ARHGAP40: variants seen among roughly 807,000 people sequenced by gnomAD.
The protein encoded by ARHGAP40 is Rho GTPase activating protein 40.
ARHGAP40 carries 43 observed loss-of-function variants against 73.5 expected under a neutral mutation model. That is an observed-to-expected ratio of 0.58 (90% CI 0.46 to 0.75). ARHGAP40 has a LOEUF of 0.75. Among genes scored for constraint, ARHGAP40 ranks in the 30% least tolerant of loss-of-function variants. The pLI is 0.00. For missense variants in ARHGAP40, 734 were observed against 861.8 expected, an observed-to-expected ratio of 0.85 and a Z score of 1.86; for synonymous variants, 300 against 352.8, an observed-to-expected ratio of 0.85 and a Z score of 1.68.
chr20:38,613,325 G>C (rs1241455182), intron 1 of ARHGAP40, among the ~76,000 whole-genome samples: 1 of 152,144 alleles, frequency 6.6e-6, no homozygotes, highest in Non-Finnish European at 1.5e-5. Flanking sequence ...CCCTCCCAGA[G>C]TGCTATGTGA....
chr20:38,612,597 G>A (rs139378597), intron 1 of ARHGAP40, among the ~76,000 whole-genome samples: 216 of 152,288 alleles, frequency 1.4e-3, no homozygotes, highest in African/African-American at 5.1e-3. Flanking sequence ...TTAAACCCAA[G>A]AGGCAGAGGT....
At chr20:38,636,879 G>T (rs2145610098) in intron 6 of ARHGAP40, among the ~76,000 whole-genome samples, 1 of 152,254 alleles carries the variant, frequency 6.6e-6, no homozygotes, top group Admixed American at 6.5e-5. Context: ...TTAAAGACAA[G>T]AGGATGGTGA....
intron 3 of ARHGAP40, among the ~76,000 whole-genome samples, chr20:38,627,678 G>A (rs1403003548): frequency 2.7e-5 from 4 of 147,748 alleles, no homozygotes; most frequent in Admixed American, 2.7e-4. Flanking sequence ...GTGTTGGTGT[G>A]TGTGTTGTGT....
rs1003515982 is a variant in ARHGAP40 at position 38,629,416 on chromosome 20, A to G, written c.635-86A>G. 12 of 1,250,520 alleles carry G rather than the reference A, an allele frequency of 9.6e-6. No homozygotes were observed. The South Asian group carries it at 1.2e-4, about 13-fold the overall frequency. The allele number at this position is 1,250,520 out of a possible 1,614,324, so 77.5% of individuals were successfully genotyped here. A position where few individuals can be genotyped will look rare whatever the true frequency, so the allele number is the denominator to read the frequency against. ...GCTTGGGAGCTCACTTCTTAGGACT[A>G]AGGGCCTAAGTCCCGAACCCAAGCA... On this transcript the variant is annotated intron_variant, in intron 4 of 14. Coordinates refer to ENST00000373345, the Ensembl canonical transcript of ARHGAP40.
intron 2 of ARHGAP40, among the ~76,000 whole-genome samples, chr20:38,624,825 T>G (rs905971506): frequency 1.3e-5 from 2 of 152,222 alleles, no homozygotes; most frequent in African/African-American, 4.8e-5. Flanking sequence ...CTCTGTTCGT[T>G]GCTGCAGCAA....
At chr20:38,632,586 A>G (rs1415189385) in intron 5 of ARHGAP40, among the ~76,000 whole-genome samples, 3 of 152,038 alleles carry the variant, frequency 2.0e-5, no homozygotes, top group African/African-American at 4.8e-5. Context: ...ATGAGTTTCT[A>G]TTTCTAAAAC....
intron 9 of ARHGAP40, among the ~76,000 whole-genome samples, chr20:38,639,930 C>G (rs2089004029): frequency 6.6e-6 from 1 of 152,222 alleles, no homozygotes; most frequent in Admixed American, 6.5e-5. Flanking sequence ...CCTGAGATCT[C>G]ACTCACAACC....
chr20:38,641,177 G>A (rs902284422), intron 9 of ARHGAP40, among the ~76,000 whole-genome samples: 4 of 152,094 alleles, frequency 2.6e-5, no homozygotes, highest in Admixed American at 2.6e-4. Flanking sequence ...TGTCTCCTAC[G>A]CAGCTCTTCT....
At position 38,646,205 on chromosome 20, in the gene ARHGAP40, C is replaced by G. The variant is rs1467547182; in HGVS notation, c.1710+18C>G. 2 of 1,295,280 alleles carry G rather than the reference C, an allele frequency of 1.5e-6. No individual in the cohort carries two copies. Among genetic ancestry groups the G allele is most frequent in the South Asian group, 2.5e-5 (2 of 80,530 alleles). The allele number at this position is 1,295,280 out of a possible 1,614,324, so 80.2% of individuals were successfully genotyped here. On this transcript the variant is annotated intron_variant, in intron 12 of 14. Transcript: ENST00000373345. The surrounding 1 kb of genome is among the most constrained non-coding windows in gnomAD (Gnocchi z 4.5). ...TCGAGGCGGTGAGTGCCCCCGACCC[C>G]AGACAGGTGGAGAAGGGCCGAGGCG... is the stretch of plus-strand genomic sequence containing the variant.
chr20:38,603,526 T>G (rs186154364), intron 1 of ARHGAP40, among the ~76,000 whole-genome samples: 2 of 149,150 alleles, frequency 1.3e-5, no homozygotes, highest in Admixed American at 1.3e-4. Context: ...TCCATCTATC[T>G]ATTCATCTAT....
At position 38,628,969 on chromosome 20, in the gene ARHGAP40, C is replaced by T; in HGVS notation, c.601C>T (p.Gln201Ter). The T allele has an allele frequency of 7.7e-7, 1 of 1,305,074 alleles. No individual in the cohort carries two copies. Among genetic ancestry groups the T allele is most frequent in the South Asian group, 1.2e-5 (1 of 80,998 alleles). The allele number at this position is 1,305,074 out of a possible 1,614,324, so 80.8% of individuals were successfully genotyped here. A position where few individuals can be genotyped will look rare whatever the true frequency, so the allele number is the denominator to read the frequency against. Reference sequence around the variant, plus strand: ...TGGCGACTCCGGTATGAAGGGGGCCCAGCTCAGTTCCGGGGCCTCTAAGTT... The same window carrying T: ...TGGCGACTCCGGTATGAAGGGGGCCTAGCTCAGTTCCGGGGCCTCTAAGTT... Residue 201 changes from glutamine to a stop codon, truncating the protein, a stop_gained, in exon 4 of 15, where the codon CAG becomes TAG. Coordinates refer to ENST00000373345, the Ensembl canonical transcript of ARHGAP40. LOFTEE classifies it high-confidence loss of function.
Position 38,628,351 on chromosome 20 carries a change from CT to C in ARHGAP40, c.559-575del, listed in dbSNP as rs201368881. Among the ~76,000 whole-genome samples, 1,355 of 151,504 alleles carry C rather than the reference CT, an allele frequency of 8.9e-3. 22 individuals carry two copies. Among genetic ancestry groups the C allele is most frequent in the African/African-American group, 0.031 (1,278 of 41,226 alleles). ...ACTGAGCCTCGCTCTGTCGCCCAGGCTAGAGTGCAGTGGCGACATCTCGACT... is the reference window on the plus strand; with the variant it reads ...ACTGAGCCTCGCTCTGTCGCCCAGGCAGAGTGCAGTGGCGACATCTCGACT... On this transcript the variant is annotated intron_variant, in intron 3 of 14. Coordinates refer to ENST00000373345, the Ensembl canonical transcript of ARHGAP40.
chr20:38,638,766 G>C, exon 8 of ARHGAP40: 1 of 1,305,416 alleles, frequency 7.7e-7, no homozygotes, highest in Non-Finnish European at 1.0e-6. Context: ...GACAGCTGCT[G>C]TCCTGTTTGG....
chr20:38,624,220 C>G (rs2088887926), intron 2 of ARHGAP40, among the ~76,000 whole-genome samples: 1 of 151,960 alleles, frequency 6.6e-6, no homozygotes, highest in South Asian at 2.1e-4. Flanking sequence ...CATCAGGGGG[C>G]CTCATCTGGG....
intron 1 of ARHGAP40, among the ~76,000 whole-genome samples, chr20:38,604,482 G>A (rs1160687261): frequency 4.1e-5 from 6 of 145,826 alleles, no homozygotes; most frequent in Admixed American, 3.5e-4. Flanking sequence ...TGCAACCTCC[G>A]CCTCCCGGGT....
At chr20:38,635,640 G>A (rs1229275532) in intron 6 of ARHGAP40, among the ~76,000 whole-genome samples, 4 of 152,100 alleles carry the variant, frequency 2.6e-5, no homozygotes, top group African/African-American at 9.7e-5. Flanking sequence ...TCCAGCCTGG[G>A]TGACAGAGAC....
chr20:38,626,130 A>G (rs2088897840), intron 2 of ARHGAP40, among the ~76,000 whole-genome samples: 1 of 152,236 alleles, frequency 6.6e-6, no homozygotes, highest in African/African-American at 2.4e-5. Context: ...GTGCAGGGAA[A>G]GTGTTGGGGG....
intron 1 of ARHGAP40, among the ~76,000 whole-genome samples, chr20:38,619,324 G>C (rs1165043643): frequency 6.6e-6 from 1 of 152,154 alleles, no homozygotes; most frequent in African/African-American, 2.4e-5. Flanking sequence ...CCAGAGAAGG[G>C]TATCTAGACG....
intron 10 of ARHGAP40, among the ~76,000 whole-genome samples, chr20:38,642,735 T>A (rs1297125950): frequency 6.6e-6 from 1 of 151,072 alleles, no homozygotes; most frequent in African/African-American, 2.4e-5. Context: ...CATCCTTCCA[T>A]CCATCCATCC....
Sources: allele counts gnomAD v4.1 joint callset (sites outside exome capture counted in the v4.1 genomes callset), GRCh38; gene constraint gnomAD v4.1.1; non-coding constraint Gnocchi (gnomAD v3.1); transcripts MANE v1.5; gene names NCBI Gene and HGNC (gene_info 2026-07-23, HGNC 2026-07-21).